DST: variants seen among roughly 807,000 people sequenced by gnomAD.
The protein encoded by DST is dystonin.
Under a neutral mutation model 875.2 loss-of-function variants are expected in DST, and 253 were observed. The ratio of observed to expected loss-of-function variants is 0.29; its 90% confidence interval spans 0.26 to 0.32. DST has a LOEUF of 0.32. DST is among the 10% of genes least tolerant of loss of function. DST has a pLI of 1.00. For missense variants in DST, 8,287 were observed against 9,111.6 expected (o/e 0.91, Z 3.68); for synonymous variants, 3,124 against 3,197.1 (o/e 0.98, Z 0.77).
At chr6:56,792,055 T>C (rs2099725778) in intron 4 of DST, among the ~76,000 whole-genome samples, 1 of 151,982 alleles carries the variant, frequency 6.6e-6, no homozygotes, top group Non-Finnish European at 1.5e-5. Flanking sequence ...ACTGAGAATA[T>C]GGTAAAAGGA....
chr6:56,675,027 T>C (rs539370516), intron 9 of DST, among the ~76,000 whole-genome samples: 1 of 152,190 alleles, frequency 6.6e-6, no homozygotes, highest in South Asian at 2.1e-4. Flanking sequence ...TACAAATCTA[T>C]AGTAATAAAA....
intron 87 of DST, 107 bp from the exon 88 acceptor site, chr6:56,485,578 G>T: frequency 9.4e-7 from 1 of 1,065,070 alleles, no homozygotes; most frequent in Non-Finnish European, 1.4e-6. Flanking sequence ...AAGGGGAAGA[G>T]CAGTATGTTG....
chr6:56,833,421 C>T (rs554986143), intron 4 of DST, among the ~76,000 whole-genome samples: 1 of 152,206 alleles, frequency 6.6e-6, no homozygotes, highest in African/African-American at 2.4e-5. Context: ...AACTTTCCAA[C>T]TCTACTTCTG....
rs183730463 is a variant in DST, at chr6:56,499,006, C to T, written c.19897-953G>A. The stretch of plus-strand genomic sequence containing the variant: ...AAATGGGGTAAGTGCAGAAAGCAAC[C>T]CTAAGGTTTAAAAATATCAATTTCT... On this transcript the variant is annotated intron_variant, in intron 80 of 103. Transcript: ENST00000680361. Among the ~76,000 whole-genome samples the T allele has an allele frequency of 3.3e-5, 5 of 152,032 alleles. No individual in the cohort carries two copies. In the East Asian group the frequency reaches 9.7e-4, roughly 29 times the overall value.
intron 3 of DST, among the ~76,000 whole-genome samples, chr6:56,897,680 T>C (rs1413854483): frequency 6.6e-6 from 1 of 152,098 alleles, no homozygotes; most frequent in Non-Finnish European, 1.5e-5. Context: ...CCCTCTCAGA[T>C]TGTCTGTCCA....
chr6:56,714,567 C>G lies in DST; in HGVS notation c.688-10198G>C, dbSNP rs180991173. Among the ~76,000 whole-genome samples the G allele has an allele frequency of 8.9e-4, 136 of 152,242 alleles. No individual in the cohort carries two copies. Among genetic ancestry groups the G allele is most frequent in the Admixed American group, 1.8e-3 (28 of 15,302 alleles). ...CTGAGCACACTCCCTTTTAAAGTGACAAGTTTCACCAAGAGCAGGCTAGAG... is the reference window on the plus strand; with the variant it reads ...CTGAGCACACTCCCTTTTAAAGTGAGAAGTTTCACCAAGAGCAGGCTAGAG... On this transcript the variant is annotated intron_variant, in intron 5 of 103. Transcript: ENST00000680361. The surrounding 1 kb of genome is among the most constrained non-coding windows in gnomAD (Gnocchi z 4.5).
intron 4 of DST, among the ~76,000 whole-genome samples, chr6:56,813,135 C>CA (rs1356563328): frequency 6.7e-6 from 1 of 148,532 alleles, no homozygotes; most frequent in Non-Finnish European, 1.5e-5. Flanking sequence ...ATCTCAAGAA[C>CA]AAAAAACCAA....
intron 85 of DST, 77 bp downstream of exon 85, chr6:56,492,150 T>C: frequency 2.4e-6 from 3 of 1,259,220 alleles, no homozygotes; most frequent in Non-Finnish European, 3.4e-6. Context: ...GTGATAAAAG[T>C]ACATCCATAA....
At position 56,487,226 on chromosome 6, in the gene DST, G is replaced by A; in HGVS notation, c.20925C>T (p.Thr6975=). 1 of 1,612,210 alleles carries A rather than the reference G, an allele frequency of 6.2e-7. No individual in the cohort carries two copies. Among genetic ancestry groups the A allele is most frequent in the Non-Finnish European group, 8.5e-7 (1 of 1,179,010 alleles). ...LGAKHSVYDT[T]NRTGRSLKEK... is the part of the protein sequence containing the mutation. Reference sequence around the variant, plus strand: ...CCTTCAGAGAACGTCCAGTCCTGTTGGTGGTGTCGTAGACAGAATGCTTGG... The same window carrying A: ...CCTTCAGAGAACGTCCAGTCCTGTTAGTGGTGTCGTAGACAGAATGCTTGG... Residue 6975 remains threonine (T), a synonymous_variant, in exon 87 of 104, where the codon ACC becomes ACT. Transcript: ENST00000680361.
intron 4 of DST, among the ~76,000 whole-genome samples, chr6:56,840,319 T>C (rs2099798449): frequency 6.6e-6 from 1 of 152,216 alleles, no homozygotes; most frequent in Non-Finnish European, 1.5e-5. Context: ...GAATGTTTTG[T>C]ATTACACGGT....
At chr6:56,650,325 CAAAAAAAAAAAA>C (rs70989721) in intron 12 of DST, among the ~76,000 whole-genome samples, 5 of 48,700 alleles carry the variant, frequency 1.0e-4, no homozygotes, top group Non-Finnish European at 1.6e-4. Flanking sequence ...CATAACCACC[CAAAAAAAAAAAA>C]AAAAAAAAAA....
intron 49 of DST, among the ~76,000 whole-genome samples, chr6:56,581,753 C>T (rs2098002555): frequency 6.6e-6 from 1 of 152,218 alleles, no homozygotes; most frequent in South Asian, 2.1e-4. Flanking sequence ...TAGATGTGAA[C>T]TCATCCTTGG....
chr6:56,851,117 G>GAA, intron 4 of DST: 1 of 465,512 alleles, frequency 2.1e-6, no homozygotes, highest in Non-Finnish European at 3.8e-6. Flanking sequence ...CAGTAATTAG[G>GAA]AAAGTTTAGT....
intron 2 of DST, among the ~76,000 whole-genome samples, chr6:56,929,904 G>A (rs1231507311): frequency 6.6e-6 from 1 of 152,214 alleles, no homozygotes; most frequent in Non-Finnish European, 1.5e-5. Context: ...TTCAATGAAT[G>A]ATTCATTTCT....
chr6:56,647,688 G>GTT (rs111620249), intron 13 of DST, among the ~76,000 whole-genome samples: 22 of 126,888 alleles, frequency 1.7e-4, no homozygotes, highest in South Asian at 2.4e-4. Flanking sequence ...TTTTTGTAAT[G>GTT]TTTTTTTTTT....
Position 56,530,109 on chromosome 6 carries a change from C to T in DST, c.17133G>A (p.Ser5711=), listed in dbSNP as rs780435915. ...TTTCATGAAATTGCTGTGCTACCAC[C>T]GAGATACCTTCCAACTGACGATTCC... The part of the protein sequence containing the change: ...ETRNRQLEGI[S]VVAQQFHETL... The change falls in exon 65 of 104, where the codon TCG becomes TCA. Residue 5711 remains serine, a synonymous_variant. Transcript: ENST00000680361. The T allele has an allele frequency of 1.8e-5, 29 of 1,603,108 alleles. No homozygotes were observed. Among genetic ancestry groups the T allele is most frequent in the Non-Finnish European group, 2.2e-5 (26 of 1,175,784 alleles).
At position 56,892,946 on chromosome 6, in the gene DST, A is replaced by G. The variant is rs139724614; in HGVS notation, c.417+7475T>C. 3.6e-3 allele frequency among the ~76,000 whole-genome samples: 554 copies of G among 152,324 alleles called. 4 individuals are homozygous for G. Among genetic ancestry groups the G allele is most frequent in the African/African-American group, 0.012 (507 of 41,572 alleles). Reference sequence around the variant, plus strand: ...TTGTTTATTCTATGCAGGTCTTTCCATATGTCAGCTCAGTTCATCCTCATG... The same window carrying G: ...TTGTTTATTCTATGCAGGTCTTTCCGTATGTCAGCTCAGTTCATCCTCATG... On this transcript the variant is annotated intron_variant, in intron 3 of 103. Coordinates refer to ENST00000680361, the MANE Select transcript of DST (RefSeq NM_001374736.1).
intron 5 of DST, among the ~76,000 whole-genome samples, chr6:56,729,092 G>A (rs577782664): frequency 6.6e-6 from 1 of 152,128 alleles, no homozygotes; most frequent in South Asian, 2.1e-4. Context: ...GTCTATCAGT[G>A]TTCCTTGTAC....
At chr6:56,686,297 A>G (rs2099186756) in intron 9 of DST, among the ~76,000 whole-genome samples, 1 of 152,184 alleles carries the variant, frequency 6.6e-6, no homozygotes, top group African/African-American at 2.4e-5. Context: ...GGGTATTCCA[A>G]AAGTGGGGAT....
Sources: allele counts gnomAD v4.1 joint callset (sites outside exome capture counted in the v4.1 genomes callset), GRCh38; gene constraint gnomAD v4.1.1; non-coding constraint Gnocchi (gnomAD v3.1); transcripts MANE v1.5; gene names NCBI Gene and HGNC (gene_info 2026-07-23, HGNC 2026-07-21).